VSIR: variants seen among roughly 807,000 people sequenced by gnomAD.
The protein encoded by VSIR is V-set immunoregulatory receptor.
A neutral mutation model predicts 31.0 loss-of-function variants in VSIR; 10 were observed. The observed-to-expected ratio is 0.32, with a 90% confidence interval of 0.20 to 0.55. The LOEUF (loss-of-function observed/expected upper bound fraction) is 0.55, where lower values mean the gene tolerates loss of function less well. VSIR is among the 20% of genes least tolerant of loss of function. The probability of loss-of-function intolerance (pLI) is 0.93; values close to 1 mark genes in which losing one functional copy is unlikely to be tolerated. For synonymous variants in VSIR, 179 were observed against 180.1 expected, an observed-to-expected ratio of 0.99 and a Z score of 0.05; for missense variants, 356 against 416.2, an observed-to-expected ratio of 0.86 and a Z score of 1.26.
chr10:71,753,053 T>C (rs1840046098), intron 4 of VSIR, 51 bp from the exon 5 acceptor site: 2 of 1,595,110 alleles, frequency 1.3e-6, no homozygotes, highest in African/African-American at 1.3e-5. Context: ...GGCTTCCCCA[T>C]ACAACATCCC....
chr10:71,765,171 C>T (rs561657081), intron 1 of VSIR, among the ~76,000 whole-genome samples: 1 of 152,252 alleles, frequency 6.6e-6, no homozygotes, highest in Non-Finnish European at 1.5e-5. Flanking sequence ...TGTGGCAGGT[C>T]CCACCAGCAC....
chr10:71,754,566 G>A (rs763745724), intron 4 of VSIR, among the ~76,000 whole-genome samples: 5 of 152,160 alleles, frequency 3.3e-5, no homozygotes, highest in Non-Finnish European at 7.4e-5. Flanking sequence ...TAGGCAAGGG[G>A]CACTGTCACC....
chr10:71,763,701 T>C (rs1215188312), intron 1 of VSIR, among the ~76,000 whole-genome samples: 3 of 152,128 alleles, frequency 2.0e-5, no homozygotes, highest in Non-Finnish European at 4.4e-5. Context: ...GAGGCAACGG[T>C]TAGTAATAAT....
chr10:71,767,780 C>T (rs10999990), intron 1 of VSIR, among the ~76,000 whole-genome samples: 4,926 of 152,302 alleles, frequency 0.032, 101 homozygotes, highest in Middle Eastern at 0.099. Context: ...TACCTGCCCC[C>T]GCAGGAAGTG....
intron 4 of VSIR, among the ~76,000 whole-genome samples, chr10:71,754,804 G>A (rs1169861179): frequency 1.3e-5 from 2 of 152,146 alleles, no homozygotes; most frequent in African/African-American, 2.4e-5. Flanking sequence ...AAGAGCATGC[G>A]TTGAAAGCTC....
chr10:71,754,577 T>C (rs1009909493), intron 4 of VSIR, among the ~76,000 whole-genome samples: 5 of 152,138 alleles, frequency 3.3e-5, no homozygotes, highest in African/African-American at 1.2e-4. Context: ...CACTGTCACC[T>C]GGCCAGGGTG....
intron 1 of VSIR, 49 bp from the exon 2 acceptor site, chr10:71,762,075 C>G: frequency 6.5e-7 from 1 of 1,529,090 alleles, no homozygotes; most frequent in Non-Finnish European, 8.8e-7. Context: ...CAGTGCTACT[C>G]CTGGCAACCC....
chr10:71,768,524 A>G (rs932736800), intron 1 of VSIR, among the ~76,000 whole-genome samples: 3 of 151,358 alleles, frequency 2.0e-5, no homozygotes, highest in Non-Finnish European at 4.4e-5. Context: ...TCAGGCTGGA[A>G]TGCAGTGACA....
At chr10:71,752,581 C>A (rs1840032463) in intron 5 of VSIR, among the ~76,000 whole-genome samples, 1 of 152,198 alleles carries the variant, frequency 6.6e-6, no homozygotes, top group Non-Finnish European at 1.5e-5. Context: ...TTGTGGCCTG[C>A]AGCGGCCTAA....
At chr10:71,757,003 C>T (rs774441228) in intron 3 of VSIR, among the ~76,000 whole-genome samples, 3 of 152,208 alleles carry the variant, frequency 2.0e-5, no homozygotes, top group South Asian at 4.1e-4. Context: ...AAGCAAGTTC[C>T]GCTCCACATT....
intron 3 of VSIR, among the ~76,000 whole-genome samples, chr10:71,756,833 G>A (rs531881803): frequency 2.0e-5 from 3 of 152,322 alleles, no homozygotes; most frequent in East Asian, 3.9e-4. Flanking sequence ...TTGCCTTTCC[G>A]CTATTTGTTT....
intron 3 of VSIR, among the ~76,000 whole-genome samples, chr10:71,759,846 C>CACACACACACACACATATAT (rs776230069): frequency 3.3e-5 from 2 of 59,932 alleles, no homozygotes; most frequent in African/African-American, 1.2e-4. Flanking sequence ...CACACACACA[C>CACACACACACACACATATAT]ATATACACAC....
At chr10:71,756,335 T>C (rs1387279043) in intron 3 of VSIR, among the ~76,000 whole-genome samples, 1 of 152,176 alleles carries the variant, frequency 6.6e-6, no homozygotes, top group Non-Finnish European at 1.5e-5. Context: ...CTTGGACATC[T>C]CTCTGTCTCC....
At chr10:71,759,970 T>C (rs540403051) in intron 3 of VSIR, among the ~76,000 whole-genome samples, 5 of 79,204 alleles carry the variant, frequency 6.3e-5, no homozygotes, top group Non-Finnish European at 9.0e-5. Context: ...CACATATATA[T>C]ACACACACAC....
chr10:71,751,241 C>A lies in VSIR; in HGVS notation c.*12G>T. ...AGACCCAGCCACAACAGCCCACTGT[C>A]CCCCAGCTGGGCTAGATGACCTCAA... On this transcript the variant is annotated 3_prime_UTR_variant, in exon 7 of 7. Transcript: ENST00000394957. The surrounding 1 kb of genome is among the most constrained non-coding windows in gnomAD (Gnocchi z 4.9). The A allele has an allele frequency of 6.2e-7, 1 of 1,605,982 alleles. No homozygotes were observed. Among genetic ancestry groups the A allele is most frequent in the Non-Finnish European group, 8.5e-7 (1 of 1,175,638 alleles).
intron 1 of VSIR, among the ~76,000 whole-genome samples, chr10:71,770,233 G>A (rs1007469191): frequency 4.6e-5 from 7 of 152,214 alleles, no homozygotes; most frequent in East Asian, 3.8e-4. Flanking sequence ...ACGAGGAGCC[G>A]GGTGCTGTGT....
intron 4 of VSIR, among the ~76,000 whole-genome samples, chr10:71,753,219 G>A (rs997674677): frequency 1.6e-4 from 24 of 152,236 alleles, no homozygotes; most frequent in African/African-American, 5.5e-4. Flanking sequence ...CCATTTTGAC[G>A]ACTGATAAAT....
chr10:71,755,557 G>T, intron 3 of VSIR, 91 bp from the exon 4 acceptor site: 1 of 1,216,648 alleles, frequency 8.2e-7, no homozygotes, highest in Non-Finnish European at 1.2e-6. Context: ...AGGCCAGGAA[G>T]CAGGAGACCC....
At chr10:71,763,871 G>T (rs965510825) in intron 1 of VSIR, among the ~76,000 whole-genome samples, 1 of 152,174 alleles carries the variant, frequency 6.6e-6, no homozygotes, top group Non-Finnish European at 1.5e-5. Flanking sequence ...CTGCTAAGGT[G>T]TGAATGACTG....
Sources: allele counts gnomAD v4.1 joint callset (sites outside exome capture counted in the v4.1 genomes callset), GRCh38; gene constraint gnomAD v4.1.1; non-coding constraint Gnocchi (gnomAD v3.1); transcripts MANE v1.5; gene names NCBI Gene and HGNC (gene_info 2026-07-23, HGNC 2026-07-21).